The following ATP9B variants were observed in gnomAD, a reference collection of about 807,000 sequenced individuals.
ATP9B encodes the protein probable phospholipid-transporting ATPase IIB.
A neutral mutation model predicts 146.1 loss-of-function variants in ATP9B; 110 were observed. That is an observed-to-expected ratio of 0.75 (90% CI 0.65 to 0.88). The LOEUF is 0.88. Ranked by LOEUF, ATP9B falls within the 40% of genes least tolerant of loss-of-function variation. The pLI, the probability that ATP9B is intolerant of heterozygous loss-of-function variation, is 0.00. For missense variants in ATP9B, 1,499 were observed against 1,496.4 expected, an observed-to-expected ratio of 1.00 and a Z score of -0.03; for synonymous variants, 604 against 569.7, an observed-to-expected ratio of 1.06 and a Z score of -0.86.
intron 8 of ATP9B, among the ~76,000 whole-genome samples, chr18:79,187,757 A>T (rs2095322022): frequency 6.6e-6 from 1 of 152,182 alleles, no homozygotes; most frequent in South Asian, 2.1e-4. Context: ...CATTAGCATC[A>T]GTTGTTTCCC....
intron 11 of ATP9B, among the ~76,000 whole-genome samples, chr18:79,237,052 TTCCC>T (rs1388187422): frequency 7.7e-5 from 2 of 26,072 alleles, no homozygotes. Flanking sequence ...CACCTGCCCC[TTCCC>T]CCTTCCCCAC....
chr18:79,329,558 G>A lies in ATP9B; in HGVS notation c.1935+256G>A, dbSNP rs1168584776. Reference sequence around the variant, plus strand: ...AATAATGTGGGATTTATTAATTTTTGAAATCAACAACTAAAGCTGTTTTGA... The same window carrying A: ...AATAATGTGGGATTTATTAATTTTTAAAATCAACAACTAAAGCTGTTTTGA... On this transcript the variant is annotated intron_variant, in intron 16 of 29. Transcript: ENST00000426216. Among the ~76,000 whole-genome samples, 4 of 151,574 alleles carry A rather than the reference G, an allele frequency of 2.6e-5. No homozygotes were observed. In the East Asian group the frequency reaches 7.8e-4, roughly 30 times the overall value.
At chr18:79,312,059 A>G (rs2096655371) in intron 15 of ATP9B, among the ~76,000 whole-genome samples, 2 of 152,032 alleles carry the variant, frequency 1.3e-5, no homozygotes, top group Non-Finnish European at 2.9e-5. Flanking sequence ...CCTTCCCTCC[A>G]GTCATTCCCA....
At chr18:79,300,859 A>G (rs115791838) in intron 13 of ATP9B, among the ~76,000 whole-genome samples, 1,883 of 152,342 alleles carry the variant, frequency 0.012, 21 homozygotes, top group African/African-American at 0.035. Context: ...GAAATTGTTC[A>G]TAATAAAAAA....
At chr18:79,084,652 G>A (rs1168602220) in intron 1 of ATP9B, among the ~76,000 whole-genome samples, 1 of 152,122 alleles carries the variant, frequency 6.6e-6, no homozygotes, top group African/African-American at 2.4e-5. Flanking sequence ...TAGAAAAACA[G>A]CTTTCATATG....
At chr18:79,335,419 A>G (rs567191676) in intron 17 of ATP9B, among the ~76,000 whole-genome samples, 94 of 152,272 alleles carry the variant, frequency 6.2e-4, no homozygotes, top group African/African-American at 2.1e-3. Context: ...TTCACCCATC[A>G]CCAGCTAAAA....
chr18:79,198,079 T>C (rs1294841305), intron 9 of ATP9B, among the ~76,000 whole-genome samples: 1 of 152,206 alleles, frequency 6.6e-6, no homozygotes, highest in Non-Finnish European at 1.5e-5. Flanking sequence ...AAACAAGTCT[T>C]AGTATATTTT....
At chr18:79,205,118 C>T (rs1308450809) in intron 9 of ATP9B, among the ~76,000 whole-genome samples, 1 of 152,166 alleles carries the variant, frequency 6.6e-6, no homozygotes, top group Non-Finnish European at 1.5e-5. Flanking sequence ...CAGGACACTT[C>T]CTAACTACTG....
At position 79,377,420 on chromosome 18, in the gene ATP9B, T is replaced by C. The variant is rs749151695; in HGVS notation, c.*37T>C. On this transcript the variant is annotated 3_prime_UTR_variant, in exon 30 of 30. Transcript: ENST00000426216. ...CCCCCAGCGGGCTGGCCCCAGCACCTTCTGCCCTTCCCAGCACCTTGTGCC... is the reference window on the plus strand; with the variant it reads ...CCCCCAGCGGGCTGGCCCCAGCACCCTCTGCCCTTCCCAGCACCTTGTGCC... 2.5e-5 allele frequency: 40 copies of C among 1,598,806 alleles called. No homozygotes were observed. The highest frequency in any genetic ancestry group is 5.9e-6 in the Non-Finnish European group (7 of 1,178,156).
chr18:79,113,114 A>G, intron 3 of ATP9B, 127 bp from the exon 4 acceptor site: 1 of 550,232 alleles, frequency 1.8e-6, no homozygotes, highest in Non-Finnish European at 3.2e-6. Flanking sequence ...ATTTACTTTG[A>G]ATCACAACAT....
chr18:79,218,838 C>T (rs2148465736), intron 11 of ATP9B, among the ~76,000 whole-genome samples: 1 of 152,284 alleles, frequency 6.6e-6, no homozygotes, highest in Middle Eastern at 3.4e-3. Context: ...AGGCCTTGGC[C>T]AAGTTCAAGG....
intron 1 of ATP9B, among the ~76,000 whole-genome samples, chr18:79,070,539 G>C (rs961017901): frequency 1.3e-5 from 2 of 152,248 alleles, no homozygotes; most frequent in African/African-American, 4.8e-5. Context: ...TGCTTGGTTG[G>C]AAGTGGGTTC....
intron 1 of ATP9B, among the ~76,000 whole-genome samples, chr18:79,079,707 A>G (rs1471964215): frequency 6.6e-6 from 1 of 152,194 alleles, no homozygotes; most frequent in African/African-American, 2.4e-5. Flanking sequence ...TGTTTTAATC[A>G]TGAAGTCTTT....
rs571984577 is a variant in ATP9B, at chr18:79,203,427, A to C, written c.955-3510A>C. Among the ~76,000 whole-genome samples, 6 of 152,328 alleles carry C rather than the reference A, an allele frequency of 3.9e-5. No homozygotes were observed. The South Asian group carries it at 1.0e-3, about 26-fold the overall frequency. On this transcript the variant is annotated intron_variant, in intron 9 of 29. Coordinates refer to ENST00000426216, the MANE Select transcript of ATP9B (RefSeq NM_198531.5). ...AGGAGCAAGTACCTGATGCTTCATAAAAGGAGACTCAGAGTAACCACAGGC... is the reference window on the plus strand; with the variant it reads ...AGGAGCAAGTACCTGATGCTTCATACAAGGAGACTCAGAGTAACCACAGGC...
chr18:79,326,606 C>T (rs1007889059), intron 15 of ATP9B, among the ~76,000 whole-genome samples: 2 of 151,956 alleles, frequency 1.3e-5, no homozygotes, highest in South Asian at 4.2e-4. Flanking sequence ...ACATGGTGTT[C>T]GGTTTCATCT....
At chr18:79,290,063 G>T (rs1289740711) in intron 13 of ATP9B, among the ~76,000 whole-genome samples, 2 of 152,142 alleles carry the variant, frequency 1.3e-5, no homozygotes, top group Non-Finnish European at 2.9e-5. Flanking sequence ...GGGGGTCAGG[G>T]GTCAGGGACC....
chr18:79,346,495 ACACT>A (rs1472471469), intron 23 of ATP9B, among the ~76,000 whole-genome samples: 6 of 123,316 alleles, frequency 4.9e-5, no homozygotes, highest in East Asian at 2.5e-4. Context: ...TGCTTGGCAC[ACACT>A]CAGCGCACCT....
At chr18:79,097,151 C>CTT (rs2074856954) in intron 2 of ATP9B, among the ~76,000 whole-genome samples, 1 of 145,426 alleles carries the variant, frequency 6.9e-6, no homozygotes, top group Non-Finnish European at 1.5e-5. Flanking sequence ...GAGTAAGACT[C>CTT]TGTCTCAAAA....
rs1269849877 is a variant in ATP9B, at chr18:79,069,478, C to T, written c.68C>T (p.Ala23Val). ...AAAAAANRKRAAYYSAAGPRP... is the reference protein window; with the variant it reads ...AAAAAANRKRVAYYSAAGPRP... ...GCGGCCGCAGCCAACCGCAAACGCGCGGCCTACTACAGCGCCGCGGGGCCC... is the reference window on the plus strand; with the variant it reads ...GCGGCCGCAGCCAACCGCAAACGCGTGGCCTACTACAGCGCCGCGGGGCCC... The change falls in exon 1 of 30, where the codon GCG becomes GTG. Residue 23 changes from alanine to valine, a missense_variant. By Grantham distance (64) the Ala-to-Val change is moderately conservative. Transcript: ENST00000426216. The T allele has an allele frequency of 1.3e-6, 2 of 1,495,116 alleles. No homozygotes were observed. The highest frequency in any genetic ancestry group is 8.9e-7 in the Non-Finnish European group (1 of 1,124,036). The allele number at this position is 1,495,116 out of a possible 1,614,324, so 92.6% of individuals were successfully genotyped here.
Sources: gnomAD v4.1 joint callset for allele counts (sites outside exome capture counted in the v4.1 genomes callset) on GRCh38, gnomAD v4.1.1 for gene constraint, MANE v1.5 for transcripts, NCBI Gene and HGNC (gene_info 2026-07-23, HGNC 2026-07-21) for gene names.